Variants in CAMKMT observed in about 807,000 individuals in gnomAD.
The protein encoded by CAMKMT is CaM KMT.
CAMKMT carries 53 observed loss-of-function variants against 48.0 expected under a neutral mutation model. The ratio of observed to expected loss-of-function variants is 1.10; its 90% CI spans 0.89 to 1.39. The LOEUF is 1.39. CAMKMT is among the 40% of genes most tolerant of loss of function. The pLI is 0.00. For synonymous variants in CAMKMT, 165 were observed against 152.3 expected, an observed-to-expected ratio of 1.08 and a Z score of -0.61; for missense variants, 428 against 402.7, an observed-to-expected ratio of 1.06 and a Z score of -0.54.
chr2:44,687,398 A>G (rs1262695862), intron 3 of CAMKMT, among the ~76,000 whole-genome samples: 4 of 152,224 alleles, frequency 2.6e-5, no homozygotes, highest in Non-Finnish European at 5.9e-5. Context: ...GCCCAGTGCA[A>G]CATATAGTAA....
At chr2:44,597,163 G>A (rs1228780190) in intron 3 of CAMKMT, among the ~76,000 whole-genome samples, 1 of 152,200 alleles carries the variant, frequency 6.6e-6, no homozygotes, top group East Asian at 1.9e-4. Flanking sequence ...CATGATGGTT[G>A]TTGGGTTGAT....
At chr2:44,621,724 G>C (rs1672208474) in intron 3 of CAMKMT, among the ~76,000 whole-genome samples, 1 of 152,202 alleles carries the variant, frequency 6.6e-6, no homozygotes, top group African/African-American at 2.4e-5. Flanking sequence ...AACGTGTGTG[G>C]ATTATATTCT....
At chr2:44,589,883 T>TAAAAAAAAAAAAAAAAAAAAAAAAAAA (rs1218817837) in intron 3 of CAMKMT, among the ~76,000 whole-genome samples, 4 of 23,266 alleles carry the variant, frequency 1.7e-4, no homozygotes, top group Non-Finnish European at 3.5e-4. Context: ...GAATGATCAA[T>TAAAAAAAAAAAAAAAAAAAAAAAAAAA]AAAAAAAAAA....
At chr2:44,555,953 A>G (rs1054746670) in intron 3 of CAMKMT, among the ~76,000 whole-genome samples, 1 of 152,072 alleles carries the variant, frequency 6.6e-6, no homozygotes, top group African/African-American at 2.4e-5. Flanking sequence ...TGGCAGCCAG[A>G]TTGCAGTGGG....
chr2:44,587,648 CTT>C (rs1246903694), intron 3 of CAMKMT, among the ~76,000 whole-genome samples: 8 of 22,316 alleles, frequency 3.6e-4, no homozygotes, highest in Non-Finnish European at 5.4e-4. Flanking sequence ...ACTGGTTTTC[CTT>C]TTTTTTTTTT....
chr2:44,555,243 A>T (rs925344466), intron 3 of CAMKMT, among the ~76,000 whole-genome samples: 3 of 152,196 alleles, frequency 2.0e-5, no homozygotes, highest in African/African-American at 7.2e-5. Flanking sequence ...GAGGCTGTTG[A>T]CATGGTTCAG....
intron 3 of CAMKMT, among the ~76,000 whole-genome samples, chr2:44,607,732 A>G (rs1434237928): frequency 6.6e-6 from 1 of 152,152 alleles, no homozygotes; most frequent in East Asian, 1.9e-4. Context: ...TGAAGTCTGT[A>G]TTTCTGCATA....
chr2:44,379,090 C>G (rs1450634007), intron 2 of CAMKMT, among the ~76,000 whole-genome samples: 1 of 152,190 alleles, frequency 6.6e-6, no homozygotes, highest in Non-Finnish European at 1.5e-5. Flanking sequence ...TTCCTCTAGT[C>G]CCTGGCAACC....
intron 3 of CAMKMT, among the ~76,000 whole-genome samples, chr2:44,463,726 G>A (rs1359852253): frequency 2.6e-5 from 4 of 152,074 alleles, no homozygotes; most frequent in Non-Finnish European, 2.9e-5. Flanking sequence ...ACTATAAACC[G>A]AAAAAGAAAC....
chr2:44,365,033 A>G (rs1678442534), intron 1 of CAMKMT, among the ~76,000 whole-genome samples: 1 of 152,246 alleles, frequency 6.6e-6, no homozygotes, highest in Non-Finnish European at 1.5e-5. Context: ...TTACAATTTA[A>G]TCGATCACAT....
chr2:44,456,845 C>G (rs1394716621), intron 3 of CAMKMT: 1 of 433,032 alleles, frequency 2.3e-6, no homozygotes, highest in Non-Finnish European at 4.1e-6. Flanking sequence ...ATGTTTTCTA[C>G]AAAGCTAGTG....
At chr2:44,415,680 C>A (rs535156915) in intron 3 of CAMKMT, among the ~76,000 whole-genome samples, 3 of 152,098 alleles carry the variant, frequency 2.0e-5, no homozygotes, top group Non-Finnish European at 4.4e-5. Context: ...AGGAATTATA[C>A]GTTTAAAGTC....
rs191402335 is a variant in CAMKMT, at chr2:44,439,310, C to G, written c.376+49005C>G. Among the ~76,000 whole-genome samples, 3 of 152,298 alleles carry G rather than the reference C, an allele frequency of 2.0e-5. No homozygotes were observed. The East Asian group carries it at 5.8e-4, about 29-fold the overall frequency. ...CTTTATCCTACAATTAATCCTCTCT[C>G]TCTCCTACATCCTTAATTCCTCCTT... On this transcript the variant is annotated intron_variant, in intron 3 of 10. Transcript: ENST00000378494.
At chr2:44,391,134 G>A (rs1681298393) in intron 3 of CAMKMT, among the ~76,000 whole-genome samples, 1 of 152,200 alleles carries the variant, frequency 6.6e-6, no homozygotes, top group Non-Finnish European at 1.5e-5. Context: ...TTTAGGTAGT[G>A]TCTTTGGCTT....
intron 3 of CAMKMT, among the ~76,000 whole-genome samples, chr2:44,518,529 T>C (rs929175403): frequency 6.6e-6 from 1 of 152,218 alleles, no homozygotes; most frequent in Non-Finnish European, 1.5e-5. Context: ...AAATAGACTT[T>C]TGAAAAATTA....
At chr2:44,472,061 A>G (rs1164354147) in intron 3 of CAMKMT, among the ~76,000 whole-genome samples, 1 of 152,126 alleles carries the variant, frequency 6.6e-6, no homozygotes. Flanking sequence ...TTCCTAAAAG[A>G]ATTAAATGGG....
At position 44,707,500 on chromosome 2, in the gene CAMKMT, C is replaced by T. The variant is rs911338365; in HGVS notation, c.556+38C>T. The T allele has an allele frequency of 7.7e-6, 12 of 1,562,960 alleles. No homozygotes were observed. The African/African-American group carries it at 1.1e-4, about 14-fold the overall frequency. ...AGATAGAAAACGGGTTTGTTGTGCT[C>T]ATTCCTTTTTCCTGGCTGAGTAACA... On this transcript the variant is annotated intron_variant, in intron 6 of 10. Transcript: ENST00000378494.
At chr2:44,525,921 A>G (rs1247051801) in intron 3 of CAMKMT, among the ~76,000 whole-genome samples, 2 of 151,814 alleles carry the variant, frequency 1.3e-5, no homozygotes, top group Admixed American at 6.6e-5. Flanking sequence ...GGTTAGTTAC[A>G]TATGTATACA....
intron 3 of CAMKMT, among the ~76,000 whole-genome samples, chr2:44,504,436 C>A (rs1404674680): frequency 6.6e-6 from 1 of 152,070 alleles, no homozygotes; most frequent in African/African-American, 2.4e-5. Context: ...AATTGGCTTA[C>A]CTTATGATTC....
Sources: gnomAD v4.1 joint callset for allele counts (sites outside exome capture counted in the v4.1 genomes callset) on GRCh38, gnomAD v4.1.1 for gene constraint, MANE v1.5 for transcripts, NCBI Gene and HGNC (gene_info 2026-07-23, HGNC 2026-07-21) for gene names.